Variants in SGMS1 observed in about 807,000 individuals in gnomAD.
SGMS1 encodes the protein sphingomyelin synthase 1, also known as phosphatidylcholine:ceramide cholinephosphotransferase 1.
Under a neutral mutation model 46.2 loss-of-function variants are expected in SGMS1, and 13 were observed. The ratio of observed to expected loss-of-function variants is 0.28; its 90% CI spans 0.18 to 0.45. The LOEUF (loss-of-function observed/expected upper bound fraction) is 0.45, where lower values mean the gene tolerates loss of function less well. Among genes scored for constraint, SGMS1 ranks in the 20% least tolerant of loss-of-function variants. SGMS1 has a pLI of 1.00. For synonymous variants in SGMS1, 203 were observed against 187.8 expected, an observed-to-expected ratio of 1.08 and a Z score of -0.66; for missense variants, 324 against 519.9, an observed-to-expected ratio of 0.62 and a Z score of 3.66.
Position 50,347,307 on chromosome 10 carries a change from A to G in SGMS1, c.-231-2962T>C, listed in dbSNP as rs535997404. ...GTGTAGATGGCTTAATGGAAAACAA[A>G]CCTGCTGAAAATACCATTGACAATG... On this transcript the variant is annotated intron_variant, in intron 6 of 10. Coordinates refer to ENST00000361781, the MANE Select transcript of SGMS1 (RefSeq NM_147156.4). Among the ~76,000 whole-genome samples, 10 of 150,506 alleles carry G rather than the reference A, an allele frequency of 6.6e-5. No homozygotes were observed. In the South Asian group the frequency reaches 1.1e-3, roughly 16 times the overall value.
upstream of SGMS1, chr10:50,624,702 T>A: frequency 1.0e-6 from 1 of 985,366 alleles, no homozygotes; most frequent in Non-Finnish European, 1.2e-6. Context: ...GTGGTGCAAG[T>A]CGCCTGAAGG....
chr10:50,575,203 G>A (rs1440270230), intron 2 of SGMS1, among the ~76,000 whole-genome samples: 1 of 151,902 alleles, frequency 6.6e-6, no homozygotes, highest in African/African-American at 2.4e-5. Flanking sequence ...GTACAACATA[G>A]TGTACAATAT....
intron 2 of SGMS1, among the ~76,000 whole-genome samples, chr10:50,576,533 A>G (rs1183974176): frequency 2.0e-5 from 3 of 152,200 alleles, no homozygotes; most frequent in African/African-American, 7.2e-5. Flanking sequence ...CCCATAATAG[A>G]TAGAATATTT....
intron 2 of SGMS1, among the ~76,000 whole-genome samples, chr10:50,559,551 T>C (rs139109694): frequency 1.3e-5 from 2 of 152,276 alleles, no homozygotes; most frequent in Admixed American, 1.3e-4. Context: ...GATAAGGAAA[T>C]TAAACTTTAA....
intron 3 of SGMS1, among the ~76,000 whole-genome samples, chr10:50,481,140 AG>A (rs1266620187): frequency 6.6e-6 from 1 of 152,240 alleles, no homozygotes. Context: ...GTCTGGACCA[AG>A]GGGATTCCTC....
At chr10:50,504,383 A>G (rs757127352) in intron 3 of SGMS1, among the ~76,000 whole-genome samples, 2 of 152,238 alleles carry the variant, frequency 1.3e-5, no homozygotes, top group African/African-American at 2.4e-5. Context: ...CTTTCTCAAG[A>G]TAGTTCCTAC....
intron 1 of SGMS1, among the ~76,000 whole-genome samples, chr10:50,622,305 C>T (rs1455949376): frequency 1.3e-5 from 2 of 152,172 alleles, no homozygotes; most frequent in African/African-American, 4.8e-5. Flanking sequence ...CAGCCGCCAA[C>T]CCCTTTCCAT....
intron 1 of SGMS1, 163 bp downstream of exon 1, chr10:50,623,544 C>G: frequency 1.0e-6 from 1 of 980,292 alleles, no homozygotes; most frequent in Non-Finnish European, 1.2e-6. Context: ...TGGAGGACTG[C>G]CCGCCAGGTA....
chr10:50,374,715 C>T (rs1203630151), intron 6 of SGMS1, among the ~76,000 whole-genome samples: 5 of 152,104 alleles, frequency 3.3e-5, no homozygotes, highest in Non-Finnish European at 7.4e-5. Context: ...ACTCATCCAG[C>T]CTCTCCCCAC....
At chr10:50,353,518 A>G (rs1289130140) in intron 6 of SGMS1, among the ~76,000 whole-genome samples, 4,079 of 149,760 alleles carry the variant, frequency 0.027, no homozygotes, top group African/African-American at 0.098. Flanking sequence ...ATTCCCTTTG[A>G]AAACTGGCAC....
Position 50,307,384 on chromosome 10 carries a change from G to A in SGMS1, c.1063-63C>T. ...TCTTTCACTTTAAGTTCAAATACTT[G>A]CCACGCTAAAATTCCCAAAGGACTC... On this transcript the variant is annotated intron_variant, in intron 10 of 10. Transcript: ENST00000361781. The surrounding 1 kb of genome is among the most constrained non-coding windows in gnomAD (Gnocchi z 4.2). The A allele has an allele frequency of 6.7e-7, 1 of 1,498,956 alleles. No homozygotes were observed. Among genetic ancestry groups the A allele is most frequent in the Non-Finnish European group, 9.1e-7 (1 of 1,099,726 alleles). The allele number at this position is 1,498,956 out of a possible 1,614,324, so 92.9% of individuals were successfully genotyped here.
At position 50,572,253 on chromosome 10, in the gene SGMS1, T is replaced by A. The variant is rs568687876; in HGVS notation, c.-589+17900A>T. On this transcript the variant is annotated intron_variant, in intron 2 of 10. Coordinates refer to ENST00000361781, the MANE Select transcript of SGMS1 (RefSeq NM_147156.4). ...CCAAGGATACTAGAGTACTGTAGAA[T>A]ACAAGGTAACCCAAACACCACAGGT... Among the ~76,000 whole-genome samples, 28 of 152,306 alleles carry A rather than the reference T, an allele frequency of 1.8e-4. No individual in the cohort carries two copies. In the South Asian group the frequency reaches 2.7e-3, roughly 15 times the overall value.
At chr10:50,509,311 C>T (rs1486616742) in intron 3 of SGMS1, among the ~76,000 whole-genome samples, 1 of 152,126 alleles carries the variant, frequency 6.6e-6, no homozygotes, top group East Asian at 1.9e-4. Context: ...TTCAAATTTC[C>T]AGTTAGAACC....
At chr10:50,567,769 C>G (rs1404919598) in intron 2 of SGMS1, among the ~76,000 whole-genome samples, 1 of 152,188 alleles carries the variant, frequency 6.6e-6, no homozygotes, top group African/African-American at 2.4e-5. Flanking sequence ...CTCACATGCA[C>G]ACACTTATTT....
intron 1 of SGMS1, 78 bp downstream of exon 1, chr10:50,623,629 G>A: frequency 2.0e-6 from 2 of 985,328 alleles, no homozygotes; most frequent in Non-Finnish European, 2.4e-6. Context: ...CCCGGCATAA[G>A]GCCGGGCCCG....
intron 6 of SGMS1, among the ~76,000 whole-genome samples, chr10:50,363,181 TA>T (rs1299797188): frequency 6.6e-6 from 1 of 152,018 alleles, no homozygotes; most frequent in Non-Finnish European, 1.5e-5. Flanking sequence ...TTTTCTTTTT[TA>T]AAAAAAGGGA....
intron 6 of SGMS1, among the ~76,000 whole-genome samples, chr10:50,356,918 G>T (rs1020793859): frequency 2.6e-5 from 4 of 152,014 alleles, no homozygotes; most frequent in African/African-American, 9.7e-5. Flanking sequence ...GGCCTATTGT[G>T]GGGTGGGGGG....
Position 50,560,522 on chromosome 10 carries a change from AAC to A in SGMS1, c.-589+29629_-589+29630del, listed in dbSNP as rs201480533. On this transcript the variant is annotated intron_variant, in intron 2 of 10. Coordinates refer to ENST00000361781, the MANE Select transcript of SGMS1 (RefSeq NM_147156.4). ...CATAAATACATATTACATATTATAT[AAC>A]ACATATAATACATAATATTTATGTG... Among the ~76,000 whole-genome samples the A allele has an allele frequency of 6.3e-3, 904 of 144,210 alleles. 10 individuals carry two copies. Among genetic ancestry groups the A allele is most frequent in the African/African-American group, 0.021 (823 of 39,692 alleles). The allele number at this position is 144,210 out of a possible 152,430, so 94.6% of individuals were successfully genotyped here.
Position 50,307,284 on chromosome 10 carries a change from C to G in SGMS1, c.1100G>C (p.Arg367Thr). 1 of 1,613,970 alleles carries G rather than the reference C, an allele frequency of 6.2e-7. No homozygotes were observed. Among genetic ancestry groups the G allele is most frequent in the South Asian group, 1.1e-5 (1 of 91,024 alleles). ...KEASQMNLLA[R>T]VWWYRPFQYF... Reference sequence around the variant, plus strand: ...CTGAAATGGCCTGTACCACCACACCCTGGCCAGGAGGTTCATCTGGGAAGC... The same window carrying G: ...CTGAAATGGCCTGTACCACCACACCGTGGCCAGGAGGTTCATCTGGGAAGC... The change falls in exon 11 of 11, where the codon AGG becomes ACG. Residue 367 changes from arginine (R) to threonine (T), a missense_variant. Physicochemically the swap from Arg to Thr is moderately conservative, Grantham distance 71 (BLOSUM62 -1). Transcript: ENST00000361781. This position sits in a 1 kb window ranked among gnomAD's most constrained non-coding sequence, Gnocchi z 4.2.
Sources: gnomAD v4.1 joint callset for allele counts (sites outside exome capture counted in the v4.1 genomes callset) on GRCh38, gnomAD v4.1.1 for gene constraint, Gnocchi (gnomAD v3.1) non-coding constraint, MANE v1.5 for transcripts, NCBI Gene and HGNC (gene_info 2026-07-23, HGNC 2026-07-21) for gene names.